SMC3: variants seen among roughly 807,000 people sequenced by gnomAD.
SMC3 encodes the protein structural maintenance of chromosomes protein 3.
A neutral mutation model predicts 171.8 loss-of-function variants in SMC3; 20 were observed. The observed-to-expected ratio is 0.12, with a 90% CI of 0.08 to 0.17. The LOEUF is 0.17. Among genes scored for constraint, SMC3 ranks in the 10% least tolerant of loss-of-function variants. The pLI is 1.00. For synonymous variants in SMC3, 464 were observed against 451.1 expected (o/e 1.03, Z -0.36); for missense variants, 543 against 1,420.4 (o/e 0.38, Z 9.93).
intron 27 of SMC3, 76 bp from the exon 28 acceptor site, chr10:110,603,108 G>C: frequency 6.6e-7 from 1 of 1,523,974 alleles, no homozygotes; most frequent in East Asian, 2.3e-5. Flanking sequence ...ATTTTAGTAA[G>C]AGTAAAGATA....
chr10:110,589,796 C>T, intron 14 of SMC3, 88 bp downstream of exon 14: 1 of 1,452,826 alleles, frequency 6.9e-7, no homozygotes, highest in Non-Finnish European at 9.7e-7. Context: ...GTTAACCGGT[C>T]AGGCTTGTTT....
rs1860796868 is a variant in SMC3 at position 110,567,845 on chromosome 10, G to A, written c.15+14G>A. 6.2e-7 allele frequency: 1 copy of A among 1,613,400 alleles called. No individual in the cohort carries two copies. Among genetic ancestry groups the A allele is most frequent in the Non-Finnish European group, 8.5e-7 (1 of 1,179,728 alleles). ...TACATAAAGCAGGTAAGGCCTTCGC[G>A]TCCCTCCACCCCGTCATGGGCCGGT... is the stretch of plus-strand genomic sequence containing the variant. On this transcript the variant is annotated intron_variant, in intron 1 of 28. Coordinates refer to ENST00000361804, the MANE Select transcript of SMC3 (RefSeq NM_005445.4).
intron 13 of SMC3, among the ~76,000 whole-genome samples, chr10:110,588,602 T>C (rs745912109): frequency 2.6e-5 from 4 of 152,186 alleles, no homozygotes; most frequent in African/African-American, 7.2e-5. Flanking sequence ...CTTTGGTCTT[T>C]TATGATTCCC....
rs1196080602 is a variant in SMC3 at position 110,601,776 on chromosome 10, G to T, written c.2784G>T (p.Arg928=). The change falls in exon 24 of 29, where the codon CGG becomes CGT. Residue 928 remains arginine, a synonymous_variant. Coordinates refer to ENST00000361804, the MANE Select transcript of SMC3 (RefSeq NM_005445.4). ...AAGAACTGGAAAAGATGACAAATCGGCAAGGCATGCTATTGAAGAAGAAAG... is the reference window on the plus strand; with the variant it reads ...AAGAACTGGAAAAGATGACAAATCGTCAAGGCATGCTATTGAAGAAGAAAG... ...DTKELEKMTN[R]QGMLLKKKEE... 1.2e-6 allele frequency: 2 copies of T among 1,613,854 alleles called. No individual in the cohort carries two copies. The highest frequency in any genetic ancestry group is 1.1e-5 in the South Asian group (1 of 91,080).
At chr10:110,603,566 G>T (rs1417222107) in intron 28 of SMC3, among the ~76,000 whole-genome samples, 2 of 152,118 alleles carry the variant, frequency 1.3e-5, no homozygotes, top group African/African-American at 4.8e-5. Flanking sequence ...AATTATATAT[G>T]TTCATTTGTA....
At chr10:110,584,110 G>T (rs893707722) in intron 12 of SMC3, 73 bp from the exon 13 acceptor site, 1 of 1,518,716 alleles carries the variant, frequency 6.6e-7, no homozygotes, top group Non-Finnish European at 9.1e-7. Flanking sequence ...TCTGTGTGCA[G>T]TTGACATTAT....
rs139763232 is a variant in SMC3 at position 110,599,684 on chromosome 10, T to C, written c.2299T>C (p.Leu767=). 5 of 1,614,038 alleles carry C rather than the reference T, an allele frequency of 3.1e-6. No homozygotes were observed. Among genetic ancestry groups the C allele is most frequent in the African/African-American group, 1.3e-5 (1 of 74,936 alleles). ...TAGCTTACAGAGTTTGGAGGCAAGC[T>C]TGCATGCTATGGAGTCTACCAGAGA... is the stretch of plus-strand genomic sequence containing the variant. ...QRSLQSLEAS[L]HAMESTRESL... The change falls in exon 21 of 29, where the codon TTG becomes CTG. Residue 767 remains leucine (L), a synonymous_variant. Coordinates refer to ENST00000361804, the MANE Select transcript of SMC3 (RefSeq NM_005445.4).
intron 13 of SMC3, among the ~76,000 whole-genome samples, chr10:110,587,280 A>G (rs1219133668): frequency 1.3e-5 from 2 of 152,212 alleles, no homozygotes; most frequent in Admixed American, 1.3e-4. Flanking sequence ...TGAATTTAAT[A>G]TAGGTAGCTT....
At chr10:110,580,520 T>C (rs1018797333) in intron 7 of SMC3, among the ~76,000 whole-genome samples, 3 of 152,200 alleles carry the variant, frequency 2.0e-5, no homozygotes, top group African/African-American at 7.2e-5. Flanking sequence ...AAAGGAGACA[T>C]AGATATGTAG....
At chr10:110,578,276 G>C (rs1197769022) in intron 6 of SMC3, among the ~76,000 whole-genome samples, 1 of 151,746 alleles carries the variant, frequency 6.6e-6, no homozygotes, top group African/African-American at 2.4e-5. Context: ...GTTTCACCAT[G>C]TTGGCAGGCT....
At chr10:110,599,137 G>A (rs1234418300) in intron 20 of SMC3, among the ~76,000 whole-genome samples, 2 of 151,512 alleles carry the variant, frequency 1.3e-5, no homozygotes, top group African/African-American at 2.4e-5. Flanking sequence ...TCGCCCTATC[G>A]CCCAGGCTGG....
At position 110,599,641 on chromosome 10, in the gene SMC3, T is replaced by G; in HGVS notation, c.2269-13T>G. 1 of 1,611,410 alleles carries G rather than the reference T, an allele frequency of 6.2e-7. No homozygotes were observed. The highest frequency in any genetic ancestry group is 8.5e-7 in the Non-Finnish European group (1 of 1,178,052). ...GGCTAATACCTTACTAATAAATGGA[T>G]AATGTCATATAGCAACGTAGCTTAC... On this transcript the variant is annotated splice_polypyrimidine_tract_variant and intron_variant, in intron 20 of 28. Coordinates refer to ENST00000361804, the MANE Select transcript of SMC3 (RefSeq NM_005445.4).
chr10:110,574,810 G>A (rs1423379625), intron 3 of SMC3, among the ~76,000 whole-genome samples: 1 of 152,178 alleles, frequency 6.6e-6, no homozygotes, highest in African/African-American at 2.4e-5. Context: ...AGTAGGAACG[G>A]CCCCTTCTTA....
chr10:110,574,333 A>G (rs1590549784), intron 3 of SMC3, among the ~76,000 whole-genome samples: 1 of 152,344 alleles, frequency 6.6e-6, no homozygotes, highest in African/African-American at 2.4e-5. Flanking sequence ...GTAAATAGCA[A>G]TGCGTCTGTT....
At chr10:110,591,427 A>G (rs1388696369) in intron 17 of SMC3, among the ~76,000 whole-genome samples, 1 of 152,194 alleles carries the variant, frequency 6.6e-6, no homozygotes, top group Non-Finnish European at 1.5e-5. Flanking sequence ...AATCATTGCA[A>G]ATGTGCAGTG....
chr10:110,578,208 G>A (rs866364932), intron 6 of SMC3, among the ~76,000 whole-genome samples: 7 of 152,056 alleles, frequency 4.6e-5, no homozygotes, highest in African/African-American at 1.7e-4. Context: ...TGAGTAGCTG[G>A]GATTGCAGGC....
At chr10:110,595,180 A>G (rs984087928) in intron 18 of SMC3, among the ~76,000 whole-genome samples, 4 of 151,880 alleles carry the variant, frequency 2.6e-5, no homozygotes, top group Non-Finnish European at 5.9e-5. Flanking sequence ...GGGTTTCTCT[A>G]TGTTGGTCAG....
chr10:110,579,760 T>C (rs772259005), intron 7 of SMC3, among the ~76,000 whole-genome samples: 6 of 152,204 alleles, frequency 3.9e-5, no homozygotes, highest in Non-Finnish European at 8.8e-5. Flanking sequence ...TGAACCAATA[T>C]GTATAATTGG....
At chr10:110,573,332 A>G (rs1017561274) in intron 2 of SMC3, among the ~76,000 whole-genome samples, 2 of 152,184 alleles carry the variant, frequency 1.3e-5, no homozygotes, top group African/African-American at 4.8e-5. Context: ...ATTATTTTAG[A>G]ACGTTAGCAA....
Sources: gnomAD v4.1 joint callset for allele counts (sites outside exome capture counted in the v4.1 genomes callset) on GRCh38, gnomAD v4.1.1 for gene constraint, MANE v1.5 for transcripts, NCBI Gene and HGNC (gene_info 2026-07-23, HGNC 2026-07-21) for gene names.